The following ZNF503 variants were observed in gnomAD, a reference collection of about 807,000 sequenced individuals.
The protein encoded by ZNF503 is NocA-like zinc finger 2.
ZNF503 carries 15 observed loss-of-function variants against 34.4 expected under a neutral mutation model. The observed-to-expected ratio is 0.44, with a 90% CI of 0.29 to 0.67. The LOEUF is 0.67. ZNF503 is among the 30% of genes least tolerant of loss of function. The pLI, the probability that ZNF503 is intolerant of heterozygous loss-of-function variation, is 0.13. For synonymous variants in ZNF503, 580 were observed against 456.8 expected (o/e 1.27, Z -3.44); for missense variants, 1,007 against 926.8 (o/e 1.09, Z -1.12).
the ZNF503 span, among the ~76,000 whole-genome samples, chr10:75,289,570 C>A: frequency 6.6e-6 from 1 of 152,014 alleles, no homozygotes; most frequent in Non-Finnish European, 1.5e-5. Context: ...ATAACATTTA[C>A]CATGGTAACA....
At chr10:75,396,362 C>A (rs1010080188), downstream of ZNF503, among the ~76,000 whole-genome samples, 1 of 152,148 alleles carries the variant, frequency 6.6e-6, no homozygotes, top group African/African-American at 2.4e-5. The surrounding 1 kb of genome is among the most constrained non-coding windows in gnomAD (Gnocchi z 4.4). Context: ...GTGGAGACGG[C>A]GGCGGAGCCA....
the ZNF503 span, among the ~76,000 whole-genome samples, chr10:75,333,394 C>G: frequency 2.0e-5 from 1 of 50,028 alleles, no homozygotes. Context: ...GACGGGGCGG[C>G]TGGCCGGGTG....
At chr10:75,345,694 G>A in the ZNF503 span, among the ~76,000 whole-genome samples, 158 of 152,024 alleles carry the variant, frequency 1.0e-3, 1 homozygote, top group African/African-American at 3.8e-3. Flanking sequence ...GACCCCAGAG[G>A]GGAGCTCACC....
At chr10:75,390,445 C>CCCTCTTCCTCCTTCTTCTCATCCT in the ZNF503 span, among the ~76,000 whole-genome samples, 1 of 151,056 alleles carries the variant, frequency 6.6e-6, no homozygotes, top group African/African-American at 2.4e-5. Flanking sequence ...CTCCCCCTCC[C>CCCTCTTCCTCCTTCTTCTCATCCT]CCTCTTCCTC....
chr10:75,382,254 T>C, the ZNF503 span: 2 of 217,580 alleles, frequency 9.2e-6, no homozygotes, highest in African/African-American at 4.7e-5. Flanking sequence ...CAAATGCTCA[T>C]GACAGATTTT....
At chr10:75,383,777 G>A in the ZNF503 span, among the ~76,000 whole-genome samples, 1 of 152,204 alleles carries the variant, frequency 6.6e-6, no homozygotes, top group Admixed American at 6.5e-5. Context: ...TAAGTTAGTG[G>A]GGATAAACAG....
chr10:75,323,345 A>G, the ZNF503 span, among the ~76,000 whole-genome samples: 1 of 152,182 alleles, frequency 6.6e-6, no homozygotes, highest in African/African-American at 2.4e-5. Flanking sequence ...TTTTATAAAC[A>G]TAGGTTTTCA....
At chr10:75,302,544 G>T in the ZNF503 span, among the ~76,000 whole-genome samples, 2 of 152,208 alleles carry the variant, frequency 1.3e-5, no homozygotes, top group African/African-American at 2.4e-5. Flanking sequence ...CACAGGCTCT[G>T]TCAGCCAGGG....
the ZNF503 span, among the ~76,000 whole-genome samples, chr10:75,284,778 C>G: frequency 2.0e-5 from 3 of 152,342 alleles, no homozygotes; most frequent in African/African-American, 7.2e-5. Context: ...TCTTTATTTA[C>G]ACTCAAATGG....
At chr10:75,375,109 C>T in the ZNF503 span, among the ~76,000 whole-genome samples, 3 of 152,142 alleles carry the variant, frequency 2.0e-5, no homozygotes, top group Non-Finnish European at 1.5e-5. Flanking sequence ...TTCCCAACTC[C>T]AGGATTTTTC....
At chr10:75,396,963 C>A (rs2131985106), downstream of ZNF503, among the ~76,000 whole-genome samples, 1 of 152,350 alleles carries the variant, frequency 6.6e-6, no homozygotes, top group Middle Eastern at 3.4e-3. This position sits in a 1 kb window ranked among gnomAD's most constrained non-coding sequence, Gnocchi z 4.4. Flanking sequence ...GCGCCCGGAC[C>A]CAGACTCCCG....
At chr10:75,378,432 A>G in the ZNF503 span, among the ~76,000 whole-genome samples, 1 of 152,184 alleles carries the variant, frequency 6.6e-6, no homozygotes, top group African/African-American at 2.4e-5. Context: ...TCACTGCCTC[A>G]GCTCCCATGG....
the ZNF503 span, among the ~76,000 whole-genome samples, chr10:75,365,438 G>T: frequency 1.3e-5 from 2 of 152,244 alleles, no homozygotes; most frequent in Non-Finnish European, 2.9e-5. Flanking sequence ...GAGCCACCGT[G>T]CCCGGCCCCA....
the ZNF503 span, among the ~76,000 whole-genome samples, chr10:75,317,264 C>CTTT: frequency 1.7e-3 from 130 of 74,770 alleles, 4 homozygotes; most frequent in Middle Eastern, 0.01. Flanking sequence ...CATCCCACGT[C>CTTT]TTTTTTTTTT....
the ZNF503 span, among the ~76,000 whole-genome samples, chr10:75,353,140 T>C: frequency 2.0e-5 from 3 of 152,202 alleles, no homozygotes; most frequent in Non-Finnish European, 4.4e-5. Context: ...AAAGAGAAAA[T>C]AGGCACATTA....
the ZNF503 span, among the ~76,000 whole-genome samples, chr10:75,309,826 A>G: frequency 1.3e-5 from 2 of 152,180 alleles, no homozygotes; most frequent in Admixed American, 1.3e-4. Flanking sequence ...ATATAATGTC[A>G]TGAAGCTTTT....
chr10:75,386,693 G>A, the ZNF503 span, among the ~76,000 whole-genome samples: 1 of 152,062 alleles, frequency 6.6e-6, no homozygotes, highest in African/African-American at 2.4e-5. Context: ...ACCTCCAATG[G>A]CTCCCTATTG....
chr10:75,316,363 TC>T, the ZNF503 span, among the ~76,000 whole-genome samples: 86 of 151,378 alleles, frequency 5.7e-4, no homozygotes, highest in Non-Finnish European at 7.4e-4. Context: ...TTTTTTTTTT[TC>T]TTTTTCTTTT....
At chr10:75,359,873 A>G in the ZNF503 span, among the ~76,000 whole-genome samples, 2 of 152,054 alleles carry the variant, frequency 1.3e-5, no homozygotes, top group Non-Finnish European at 2.9e-5. Flanking sequence ...GGCTTCAGGA[A>G]CCTGAGAGTG....
Sources: allele counts gnomAD v4.1 joint callset (sites outside exome capture counted in the v4.1 genomes callset), GRCh38; gene constraint gnomAD v4.1.1; non-coding constraint Gnocchi (gnomAD v3.1); transcripts MANE v1.5; gene names NCBI Gene and HGNC (gene_info 2026-07-23, HGNC 2026-07-21).